The following B3GALT1 variants were observed in gnomAD, a reference collection of about 807,000 sequenced individuals.
B3GALT1 encodes the protein UDP-Gal:betaGlcNAc beta 1,3-galactosyltransferase, polypeptide 1.
A neutral mutation model predicts 23.2 loss-of-function variants in B3GALT1; 10 were observed. The ratio of observed to expected loss-of-function variants is 0.43; its 90% CI spans 0.27 to 0.73. B3GALT1 has a LOEUF of 0.73. Ranked by LOEUF, B3GALT1 falls within the 30% of genes least tolerant of loss-of-function variation. The pLI, the probability that B3GALT1 is intolerant of heterozygous loss-of-function variation, is 0.21. For missense variants in B3GALT1, 299 were observed against 405.4 expected (o/e 0.74, Z 2.25); for synonymous variants, 156 against 141.5 (o/e 1.10, Z -0.73).
intron 3 of B3GALT1, among the ~76,000 whole-genome samples, chr2:167,733,367 C>T (rs549769218): frequency 2.0e-5 from 3 of 152,188 alleles, no homozygotes; most frequent in African/African-American, 2.4e-5. Context: ...GCTTTGAATG[C>T]GGCCCAACAC....
chr2:167,838,601 A>T (rs1275050451), intron 4 of B3GALT1, among the ~76,000 whole-genome samples: 3 of 152,388 alleles, frequency 2.0e-5, no homozygotes, highest in African/African-American at 7.2e-5. Context: ...CAGAGGTACA[A>T]GGAGGAACTG....
chr2:167,489,050 T>G (rs1699665981), intron 1 of B3GALT1, among the ~76,000 whole-genome samples: 1 of 152,066 alleles, frequency 6.6e-6, no homozygotes. Flanking sequence ...TATGTGCTTT[T>G]AAGAATTCTA....
intron 4 of B3GALT1, chr2:167,862,893 G>A (rs1690132012): frequency 6.6e-6 from 1 of 152,206 alleles, no homozygotes; most frequent in Admixed American, 6.5e-5. Context: ...TTCTGTGAAT[G>A]AGGTAATCTG....
intron 2 of B3GALT1, among the ~76,000 whole-genome samples, chr2:167,571,352 A>G (rs1449880280): frequency 6.6e-6 from 1 of 151,940 alleles, no homozygotes; most frequent in Non-Finnish European, 1.5e-5. Context: ...TAGTTCACCT[A>G]GAAAAAGCAT....
At chr2:167,578,160 A>G (rs1684417818) in intron 2 of B3GALT1, among the ~76,000 whole-genome samples, 1 of 151,950 alleles carries the variant, frequency 6.6e-6, no homozygotes, top group Non-Finnish European at 1.5e-5. Context: ...TTACTCTTGT[A>G]TGGTTGTAAA....
At chr2:167,462,971 G>A (rs1216073411) in intron 1 of B3GALT1, among the ~76,000 whole-genome samples, 2 of 152,040 alleles carry the variant, frequency 1.3e-5, no homozygotes, top group South Asian at 2.1e-4. Flanking sequence ...CAGAGTTTTT[G>A]AGATTGTTTA....
intron 1 of B3GALT1, among the ~76,000 whole-genome samples, chr2:167,326,754 A>G (rs1024343494): frequency 6.6e-6 from 1 of 151,998 alleles, no homozygotes; most frequent in African/African-American, 2.4e-5. Flanking sequence ...CAATGGTATG[A>G]TCTGGGCTCA....
chr2:167,836,464 G>A (rs1689474969), intron 4 of B3GALT1, among the ~76,000 whole-genome samples: 1 of 151,964 alleles, frequency 6.6e-6, no homozygotes, highest in African/African-American at 2.4e-5. Context: ...AAGCAAGAAG[G>A]GAAGTTTAGA....
Position 167,683,255 on chromosome 2 carries a change from G to A in B3GALT1, c.-352+36289G>A, listed in dbSNP as rs552119705. 5.9e-5 allele frequency among the ~76,000 whole-genome samples: 9 copies of A among 152,276 alleles called. No individual in the cohort carries two copies. In the East Asian group the frequency reaches 9.6e-4, roughly 16 times the overall value. On this transcript the variant is annotated intron_variant, in intron 3 of 4. Coordinates refer to ENST00000392690, the MANE Select transcript of B3GALT1 (RefSeq NM_020981.4). The stretch of plus-strand genomic sequence containing the variant: ...GATATCTGTACTTCTTTATATTACA[G>A]GGTGGCAGTAGACACCAAAGACCTT...
At chr2:167,823,321 G>A (rs1207513399) in intron 4 of B3GALT1, among the ~76,000 whole-genome samples, 1 of 152,264 alleles carries the variant, frequency 6.6e-6, no homozygotes, top group East Asian at 1.9e-4. Flanking sequence ...GTGTGCTTGA[G>A]TGTGTGTGCT....
chr2:167,802,815 T>C (rs1558983870), intron 3 of B3GALT1, among the ~76,000 whole-genome samples: 1 of 152,210 alleles, frequency 6.6e-6, no homozygotes, highest in Non-Finnish European at 1.5e-5. Context: ...TAAAATGTTC[T>C]GATTGCCCAT....
intron 2 of B3GALT1, among the ~76,000 whole-genome samples, chr2:167,546,358 C>A (rs781624479): frequency 6.6e-6 from 1 of 152,194 alleles, no homozygotes; most frequent in Non-Finnish European, 1.5e-5. Flanking sequence ...TGTGGCTGAT[C>A]TTTAGTCTCT....
At chr2:167,320,601 T>G (rs1574031310) in intron 1 of B3GALT1, among the ~76,000 whole-genome samples, 1 of 152,192 alleles carries the variant, frequency 6.6e-6, no homozygotes, top group African/African-American at 2.4e-5. Flanking sequence ...CTATTACCTC[T>G]TTGCTCTTTC....
chr2:167,753,005 T>C (rs956434688), intron 3 of B3GALT1, among the ~76,000 whole-genome samples: 3 of 152,154 alleles, frequency 2.0e-5, no homozygotes, highest in Non-Finnish European at 4.4e-5. Flanking sequence ...ATAGAACATC[T>C]GCCTGTAGGT....
intron 3 of B3GALT1, among the ~76,000 whole-genome samples, chr2:167,685,046 C>T (rs1441737812): frequency 6.6e-6 from 1 of 152,196 alleles, no homozygotes; most frequent in African/African-American, 2.4e-5. Context: ...CTTTAATTGC[C>T]TCTCAGATTG....
At chr2:167,653,359 T>C (rs899149856) in intron 3 of B3GALT1, among the ~76,000 whole-genome samples, 1 of 152,172 alleles carries the variant, frequency 6.6e-6, no homozygotes, top group East Asian at 1.9e-4. Flanking sequence ...GACTTATATA[T>C]AGCAGTTTTA....
intron 3 of B3GALT1, among the ~76,000 whole-genome samples, chr2:167,790,070 G>T (rs958701034): frequency 6.6e-6 from 1 of 152,088 alleles, no homozygotes; most frequent in African/African-American, 2.4e-5. Context: ...TAACCTAATT[G>T]TTTATTTCAT....
intron 1 of B3GALT1, among the ~76,000 whole-genome samples, chr2:167,418,843 G>A (rs79944685): frequency 0.032 from 4,800 of 152,144 alleles, 87 homozygotes; most frequent in Non-Finnish European, 0.047. Flanking sequence ...AGCCTCTTCC[G>A]CTTTCTTCTC....
chr2:167,825,051 C>T (rs150327635), intron 4 of B3GALT1, among the ~76,000 whole-genome samples: 4 of 151,736 alleles, frequency 2.6e-5, no homozygotes, highest in South Asian at 2.1e-4. Flanking sequence ...TTTGGAAGGC[C>T]GAGGTGGGCA....
Sources: allele counts gnomAD v4.1 joint callset (sites outside exome capture counted in the v4.1 genomes callset), GRCh38; gene constraint gnomAD v4.1.1; transcripts MANE v1.5; gene names NCBI Gene and HGNC (gene_info 2026-07-23, HGNC 2026-07-21).